The following COL13A1 variants were observed in gnomAD, a reference collection of about 807,000 sequenced individuals.
COL13A1 encodes the protein collagen alpha-1(XIII) chain.
COL13A1 carries 89 observed loss-of-function variants against 130.9 expected under a neutral mutation model. The observed-to-expected ratio is 0.68, with a 90% CI of 0.57 to 0.81. The LOEUF is 0.81. COL13A1 is among the 30% of genes least tolerant of loss of function. COL13A1 has a pLI of 0.00. For missense variants in COL13A1, 879 were observed against 934.6 expected (o/e 0.94, Z 0.78); for synonymous variants, 402 against 341.6 (o/e 1.18, Z -1.95).
chr10:69,957,704 G>C (rs1290020411), intron 40 of COL13A1, among the ~76,000 whole-genome samples: 3 of 152,156 alleles, frequency 2.0e-5, no homozygotes, highest in African/African-American at 7.2e-5. Context: ...CAGAGCACAG[G>C]GCTGCCCAGG....
chr10:69,867,688 A>C (rs537477211), intron 2 of COL13A1, 110 bp from the exon 3 acceptor site: 1 of 674,940 alleles, frequency 1.5e-6, no homozygotes, highest in South Asian at 1.6e-5. Context: ...TTCGAAGACC[A>C]GATGGAAACC....
chr10:69,944,003 C>A, intron 35 of COL13A1, 122 bp from the exon 36 acceptor site: 2 of 761,560 alleles, frequency 2.6e-6, no homozygotes, highest in Non-Finnish European at 4.5e-6. Context: ...CCTGAACGAG[C>A]CTGGCCTCGC....
chr10:69,880,930 T>A (rs1202288626), intron 7 of COL13A1, among the ~76,000 whole-genome samples: 2 of 152,196 alleles, frequency 1.3e-5, no homozygotes, highest in Non-Finnish European at 2.9e-5. Flanking sequence ...ATGGAGCAGA[T>A]ACGAGTCCGG....
At chr10:69,867,737 G>A in intron 2 of COL13A1, 61 bp from the exon 3 acceptor site, 1 of 715,172 alleles carries the variant, frequency 1.4e-6, no homozygotes, top group South Asian at 1.5e-5. Context: ...TTCCAAGGCG[G>A]CCTCCCCACC....
chr10:69,911,891 G>A (rs2063417635), intron 17 of COL13A1, among the ~76,000 whole-genome samples: 1 of 152,234 alleles, frequency 6.6e-6, no homozygotes, highest in Non-Finnish European at 1.5e-5. Context: ...TTCCACGACA[G>A]CTATTCCTGA....
chr10:69,943,967 G>A lies in COL13A1; in HGVS notation c.1915-158G>A, dbSNP rs553367900. On this transcript the variant is annotated intron_variant, in intron 35 of 40. Transcript: ENST00000645393. ...CCCCAACAGCCCCTGAACCCAAAGA[G>A]GATCACGGCCCAGTCGAATGACTGC... Among the ~76,000 whole-genome samples, 257 of 152,348 alleles carry A rather than the reference G, an allele frequency of 1.7e-3. 1 individual carries two copies. The highest frequency in any genetic ancestry group is 5.7e-3 in the African/African-American group (235 of 41,586).
intron 2 of COL13A1, among the ~76,000 whole-genome samples, chr10:69,845,179 CTTTTCTTTTCTTTTTCT>C (rs1318289280): frequency 7.4e-6 from 1 of 134,820 alleles, no homozygotes; most frequent in South Asian, 2.6e-4. Context: ...TTCTCTTTTT[CTTTTCTTTTCTTTTTCT>C]TTTTTTTTTT....
chr10:69,871,862 T>A (rs555147672), intron 3 of COL13A1, among the ~76,000 whole-genome samples: 101 of 152,188 alleles, frequency 6.6e-4, no homozygotes, highest in Non-Finnish European at 8.4e-4. Context: ...TCTCATTTGA[T>A]CCTAACAGAT....
At chr10:69,844,844 C>G (rs572419296) in intron 2 of COL13A1, among the ~76,000 whole-genome samples, 5 of 152,336 alleles carry the variant, frequency 3.3e-5, no homozygotes, top group African/African-American at 4.8e-5. Context: ...ATTATAGCAG[C>G]AATGGGGAAG....
intron 17 of COL13A1, among the ~76,000 whole-genome samples, chr10:69,907,866 T>C (rs28759328): frequency 0.093 from 14,109 of 152,302 alleles, 710 homozygotes; most frequent in Middle Eastern, 0.14. Flanking sequence ...CATTAATTTA[T>C]TCATGAGGGC....
intron 21 of COL13A1, among the ~76,000 whole-genome samples, chr10:69,920,322 C>G (rs935159464): frequency 6.6e-6 from 1 of 152,204 alleles, no homozygotes; most frequent in Non-Finnish European, 1.5e-5. Flanking sequence ...AACTGCCTCT[C>G]CCCAGGGCCA....
At position 69,894,250 on chromosome 10, in the gene COL13A1, C is replaced by G. The variant is rs11599021; in HGVS notation, c.604-302C>G. 0.31 allele frequency among the ~76,000 whole-genome samples: 46,635 copies of G among 152,096 alleles called. 7,994 individuals carry two copies. Among genetic ancestry groups the G allele is most frequent in the Non-Finnish European group, 0.4 (26,883 of 67,966 alleles). On this transcript the variant is annotated intron_variant, in intron 10 of 40. Transcript: ENST00000645393. ...ATGTGAGGTAGGGGGTCCCATGGAG[C>G]AGAAAACTCCCTGACCTCTAGGTAG...
At chr10:69,866,230 C>T (rs1053002700) in intron 2 of COL13A1, among the ~76,000 whole-genome samples, 3 of 152,220 alleles carry the variant, frequency 2.0e-5, no homozygotes, top group African/African-American at 4.8e-5. Context: ...AACAACAGGC[C>T]GGGCTGCCCT....
At chr10:69,855,966 C>T (rs982292390) in intron 2 of COL13A1, among the ~76,000 whole-genome samples, 2 of 152,242 alleles carry the variant, frequency 1.3e-5, no homozygotes, top group Non-Finnish European at 1.5e-5. Context: ...CATTTAATTA[C>T]TCATTCATGC....
intron 17 of COL13A1, among the ~76,000 whole-genome samples, chr10:69,914,021 C>T (rs1281453412): frequency 2.0e-5 from 3 of 152,198 alleles, no homozygotes; most frequent in Non-Finnish European, 4.4e-5. Flanking sequence ...CTGATTTCCC[C>T]TGAGTACCTG....
chr10:69,844,294 C>T (rs1240366640), intron 2 of COL13A1, among the ~76,000 whole-genome samples: 1 of 152,234 alleles, frequency 6.6e-6, no homozygotes, highest in Non-Finnish European at 1.5e-5. Flanking sequence ...AAATGCCAGA[C>T]ACTCCCTAAG....
At chr10:69,886,419 G>C (rs1434546009) in intron 7 of COL13A1, among the ~76,000 whole-genome samples, 1 of 152,224 alleles carries the variant, frequency 6.6e-6, no homozygotes, top group African/African-American at 2.4e-5. Flanking sequence ...AGTCTAGAAA[G>C]CCCATGCCTG....
At chr10:69,918,673 T>C (rs1359834831) in intron 19 of COL13A1, among the ~76,000 whole-genome samples, 2 of 152,182 alleles carry the variant, frequency 1.3e-5, no homozygotes, top group Non-Finnish European at 2.9e-5. Context: ...ACCCCCACCC[T>C]AACTGCCCAT....
chr10:69,927,060 A>G (rs991917984), intron 26 of COL13A1, 27 bp from the exon 27 acceptor site: 1 of 1,613,664 alleles, frequency 6.2e-7, no homozygotes, highest in Non-Finnish European at 8.5e-7. Context: ...TTGCTCTTCA[A>G]CTGATTGCCT....
Sources: gnomAD v4.1 joint callset for allele counts (sites outside exome capture counted in the v4.1 genomes callset) on GRCh38, gnomAD v4.1.1 for gene constraint, MANE v1.5 for transcripts, NCBI Gene and HGNC (gene_info 2026-07-23, HGNC 2026-07-21) for gene names.